Variants in GNPDA2 observed in about 807,000 individuals in gnomAD.
GNPDA2 encodes the protein glcN6P deaminase 2.
In GNPDA2, 24 loss-of-function variants were observed where a neutral mutation model predicts 27.0. The observed-to-expected ratio is 0.89, with a 90% CI of 0.64 to 1.25. GNPDA2 has a LOEUF of 1.25. Ranked by LOEUF, GNPDA2 falls within the 50% of genes most tolerant of loss-of-function variation. The pLI is 0.00. For synonymous variants in GNPDA2, 94 were observed against 108.4 expected, an observed-to-expected ratio of 0.87 and a Z score of 0.83; for missense variants, 286 against 335.1, an observed-to-expected ratio of 0.85 and a Z score of 1.14.
chr4:44,702,823 T>C lies in GNPDA2; in HGVS notation c.*258A>G. The C allele has an allele frequency of 7.7e-7, 1 of 1,295,736 alleles. No homozygotes were observed. Among genetic ancestry groups the C allele is most frequent in the South Asian group, 1.9e-5 (1 of 52,016 alleles). The allele number at this position is 1,295,736 out of a possible 1,614,324, so 80.3% of individuals were successfully genotyped here. A position where few individuals can be genotyped will look rare whatever the true frequency, so the allele number is the denominator to read the frequency against. ...CTTTTTAAACAGGCAGACATTTCTA[T>C]GCTGTTTTATAGGTGGCTATGTGAC... is the stretch of plus-strand genomic sequence containing the variant. On this transcript the variant is annotated 3_prime_UTR_variant, in exon 7 of 7. Coordinates refer to ENST00000295448, the MANE Select transcript of GNPDA2 (RefSeq NM_138335.3).
In GNPDA2 at chr4:44,703,044, C is replaced by A. The variant is rs1349239412; in HGVS notation, c.*37G>T. On this transcript the variant is annotated 3_prime_UTR_variant, in exon 7 of 7. Coordinates refer to ENST00000295448, the MANE Select transcript of GNPDA2 (RefSeq NM_138335.3). ...TTCATCTACTACTTAGTAAAAAGTG[C>A]TCTGTTCATTCAAGCTGAATTTTGC... 1 of 1,607,598 alleles carries A rather than the reference C, an allele frequency of 6.2e-7. No individual in the cohort carries two copies.
intron 4 of GNPDA2, among the ~76,000 whole-genome samples, chr4:44,715,848 C>T (rs1169793088): frequency 6.6e-6 from 1 of 151,948 alleles, no homozygotes; most frequent in African/African-American, 2.4e-5. Flanking sequence ...TAAAAACTAT[C>T]TTAAAGAGAA....
At chr4:44,709,499 C>T (rs1716837425) in intron 5 of GNPDA2, among the ~76,000 whole-genome samples, 1 of 152,058 alleles carries the variant, frequency 6.6e-6, no homozygotes, top group Non-Finnish European at 1.5e-5. Flanking sequence ...GGTGTGGATA[C>T]CAGGTGATTC....
At chr4:44,703,221 T>A in intron 6 of GNPDA2, 79 bp from the exon 7 acceptor site, 2 of 1,531,456 alleles carry the variant, frequency 1.3e-6, no homozygotes, top group Non-Finnish European at 1.7e-6. Context: ...CAAAGTATTT[T>A]TTATAAGACA....
chr4:44,721,883 A>C (rs1717690802), intron 2 of GNPDA2, among the ~76,000 whole-genome samples: 1 of 152,162 alleles, frequency 6.6e-6, no homozygotes, highest in Admixed American at 6.5e-5. Flanking sequence ...GGTGAGACTA[A>C]ATTTTGGCAC....
intron 2 of GNPDA2, among the ~76,000 whole-genome samples, chr4:44,719,852 T>C (rs1472403012): frequency 6.6e-6 from 1 of 152,130 alleles, no homozygotes; most frequent in Non-Finnish European, 1.5e-5. Context: ...TAGTCATTAC[T>C]AACACAATTT....
chr4:44,703,518 A>G, intron 6 of GNPDA2: 2 of 1,000,066 alleles, frequency 2.0e-6, no homozygotes, highest in Non-Finnish European at 2.4e-6. Context: ...TTCCTCTACT[A>G]GACTCCAGCC....
intron 6 of GNPDA2, chr4:44,707,316 G>T: frequency 5.7e-6 from 1 of 176,668 alleles, no homozygotes; most frequent in Admixed American, 6.3e-5. Flanking sequence ...AAATTGTAAA[G>T]ATTAAATTAG....
At chr4:44,725,659 AAAG>A (rs1717965364) in intron 1 of GNPDA2, among the ~76,000 whole-genome samples, 1 of 152,220 alleles carries the variant, frequency 6.6e-6, no homozygotes, top group African/African-American at 2.4e-5. Flanking sequence ...CACCCAGAGC[AAAG>A]AAGAATTTCT....
chr4:44,716,278 A>G (rs1320549178), intron 4 of GNPDA2, among the ~76,000 whole-genome samples: 1 of 151,950 alleles, frequency 6.6e-6, no homozygotes, highest in African/African-American at 2.4e-5. Context: ...TGAAGATCAA[A>G]TTCATGTAAT....
Position 44,718,366 on chromosome 4 carries a change from T to C in GNPDA2, c.169A>G (p.Lys57Glu), listed in dbSNP as rs778635774. Reference protein sequence around the residue: ...GCYKKLIEYHKNGHLSFKYVK... With the variant: ...GCYKKLIEYHENGHLSFKYVK... ...TATTTAAAAGAAAGGTGTCCATTCT[T>C]ATGATATTCTATTAGTTTTTTATAG... Residue 57 changes from lysine to glutamate, a missense_variant, in exon 3 of 7, where the codon AAG becomes GAG. Lys to Glu is a moderately conservative substitution (Grantham distance 56). Transcript: ENST00000295448. The C allele has an allele frequency of 8.0e-6, 11 of 1,377,662 alleles. No individual in the cohort carries two copies. The highest frequency in any genetic ancestry group is 1.1e-5 in the Non-Finnish European group (11 of 1,003,934). The allele number at this position is 1,377,662 out of a possible 1,614,324, so 85.3% of individuals were successfully genotyped here. A position where few individuals can be genotyped will look rare whatever the true frequency, so the allele number is the denominator to read the frequency against.
intron 2 of GNPDA2, among the ~76,000 whole-genome samples, chr4:44,721,656 A>G (rs1460108896): frequency 6.6e-6 from 1 of 151,916 alleles, no homozygotes; most frequent in Admixed American, 6.6e-5. Context: ...TATAACTTCT[A>G]TATTAATAAG....
chr4:44,723,202 T>C (rs988199793), intron 1 of GNPDA2, among the ~76,000 whole-genome samples: 2 of 152,206 alleles, frequency 1.3e-5, no homozygotes, highest in African/African-American at 4.8e-5. Context: ...TCAGCATTCT[T>C]ACAGTAACTC....
intron 6 of GNPDA2, chr4:44,703,675 AAAC>A: frequency 2.0e-6 from 2 of 984,138 alleles, no homozygotes; most frequent in Non-Finnish European, 2.4e-6. Context: ...ACAAGACAGA[AAAC>A]AACCTGTATT....
At chr4:44,721,917 TA>T (rs1251139514) in intron 2 of GNPDA2, among the ~76,000 whole-genome samples, 166 bp downstream of exon 2, 1 of 152,178 alleles carries the variant, frequency 6.6e-6, no homozygotes, top group Admixed American at 6.5e-5. Context: ...ACATTGTAGA[TA>T]GTAGATTTTA....
intron 4 of GNPDA2, among the ~76,000 whole-genome samples, chr4:44,715,291 C>A (rs1205850341): frequency 1.3e-5 from 2 of 152,112 alleles, no homozygotes; most frequent in Non-Finnish European, 2.9e-5. Flanking sequence ...CAGTGTTATT[C>A]CCCATAGTAA....
At chr4:44,708,459 A>C (rs1214232002) in intron 5 of GNPDA2, among the ~76,000 whole-genome samples, 2 of 152,132 alleles carry the variant, frequency 1.3e-5, no homozygotes, top group African/African-American at 4.8e-5. Context: ...ACTGGATTTA[A>C]AAAAGGATTA....
chr4:44,723,204 C>T (rs74289172), intron 1 of GNPDA2, among the ~76,000 whole-genome samples: 9,214 of 152,178 alleles, frequency 0.061, 325 homozygotes, highest in East Asian at 0.15. Flanking sequence ...AGCATTCTTA[C>T]AGTAACTCAC....
At chr4:44,712,527 G>C (rs1717040241) in intron 4 of GNPDA2, among the ~76,000 whole-genome samples, 1 of 105,524 alleles carries the variant, frequency 9.5e-6, no homozygotes, top group Non-Finnish European at 2.5e-5. Context: ...GTATGTATCT[G>C]CTTATAAATA....
Sources: gnomAD v4.1 joint callset for allele counts (sites outside exome capture counted in the v4.1 genomes callset) on GRCh38, gnomAD v4.1.1 for gene constraint, MANE v1.5 for transcripts, NCBI Gene and HGNC (gene_info 2026-07-23, HGNC 2026-07-21) for gene names.